TSHZ2: variants seen among roughly 807,000 people sequenced by gnomAD.
TSHZ2 encodes the protein teashirt homolog 2.
Under a neutral mutation model 74.4 loss-of-function variants are expected in TSHZ2, and 21 were observed. The ratio of observed to expected loss-of-function variants is 0.28; its 90% confidence interval spans 0.20 to 0.41. The LOEUF (loss-of-function observed/expected upper bound fraction) is 0.41, where lower values mean the gene tolerates loss of function less well. Ranked by LOEUF, TSHZ2 falls within the 10% of genes least tolerant of loss-of-function variation. TSHZ2 has a pLI of 1.00. For missense variants in TSHZ2, 1,244 were observed against 1,293.5 expected (o/e 0.96, Z 0.59); for synonymous variants, 540 against 515.3 (o/e 1.05, Z -0.65).
intron 1 of TSHZ2, among the ~76,000 whole-genome samples, chr20:53,001,600 C>A (rs1982443927): frequency 6.6e-6 from 1 of 152,178 alleles, no homozygotes; most frequent in African/African-American, 2.4e-5. Context: ...GAAAAAATCA[C>A]CTGTCTCATT....
chr20:53,256,218 C>G lies in TSHZ2; in HGVS notation c.2760C>G (p.Asp920Glu), dbSNP rs767175127. 19 of 1,613,440 alleles carry G rather than the reference C, an allele frequency of 1.2e-5. No individual in the cohort carries two copies. The highest frequency in any genetic ancestry group is 1.5e-5 in the Non-Finnish European group (18 of 1,179,616). The change falls in exon 2 of 3, where the codon GAC becomes GAG. Residue 920 changes from aspartate (D) to glutamate (E), a missense_variant. By Grantham distance (45) the Asp-to-Glu change is conservative (BLOSUM62 2). Around this residue, in one of 6 missense-constraint regions of TSHZ2, gnomAD observed 185 missense variants for 213.3 expected, o/e 0.87. Transcript: ENST00000371497. The surrounding 1 kb of genome is among the most constrained non-coding windows in gnomAD (Gnocchi z 4.3). ...GGACAAAATTTCTGAAAAACATGGA[C>G]AAAGGCCACCCCATCTTTTATTGCA... ...TGGTKFLKNM[D>E]KGHPIFYCSD...
At chr20:53,204,699 CTTTT>C (rs1481077857) in intron 1 of TSHZ2, among the ~76,000 whole-genome samples, 1 of 152,030 alleles carries the variant, frequency 6.6e-6, no homozygotes, top group Non-Finnish European at 1.5e-5. Context: ...TTTGTGCTTT[CTTTT>C]ATTTCATACT....
chr20:53,001,212 G>GTGTGTGTGTGTGTGTGTGTGTGTA (rs1982405346), intron 1 of TSHZ2, among the ~76,000 whole-genome samples: 6 of 123,490 alleles, frequency 4.9e-5, no homozygotes, highest in African/African-American at 7.5e-5. Context: ...GTGCGTGTGT[G>GTGTGTGTGTGTGTGTGTGTGTGTA]TGTGTGTGTG....
chr20:53,471,926 C>G (rs1447869309), intron 2 of TSHZ2, among the ~76,000 whole-genome samples: 1 of 151,528 alleles, frequency 6.6e-6, no homozygotes, highest in Non-Finnish European at 1.5e-5. Context: ...CTGCCTCAGC[C>G]TCCCGAGTAG....
At chr20:53,430,029 A>AG (rs1291901056) in intron 2 of TSHZ2, among the ~76,000 whole-genome samples, 2 of 152,190 alleles carry the variant, frequency 1.3e-5, no homozygotes, top group Non-Finnish European at 2.9e-5. Flanking sequence ...TCTGAGGGAC[A>AG]AAATCACTCC....
At chr20:53,447,449 A>G (rs572236618) in intron 2 of TSHZ2, among the ~76,000 whole-genome samples, 37 of 152,280 alleles carry the variant, frequency 2.4e-4, no homozygotes, top group African/African-American at 8.2e-4. Context: ...CCTTAACCCA[A>G]CTTCCCCTAA....
chr20:53,358,760 AC>A (rs1980945033), intron 2 of TSHZ2, among the ~76,000 whole-genome samples: 1 of 152,320 alleles, frequency 6.6e-6, no homozygotes, highest in Non-Finnish European at 1.5e-5. Flanking sequence ...AATTGTAGAA[AC>A]CATTCATCCG....
chr20:53,214,299 A>G (rs904023206), intron 1 of TSHZ2, among the ~76,000 whole-genome samples: 2 of 152,204 alleles, frequency 1.3e-5, no homozygotes, highest in Non-Finnish European at 1.5e-5. Flanking sequence ...GATTGAACAA[A>G]TAAGTATAAA....
chr20:53,459,338 T>G (rs1406615956), intron 2 of TSHZ2, among the ~76,000 whole-genome samples: 1 of 152,170 alleles, frequency 6.6e-6, no homozygotes, highest in Admixed American at 6.5e-5. Context: ...TTTTGATCTT[T>G]GTTGGTTTAA....
chr20:53,293,576 G>C (rs1416696724), intron 2 of TSHZ2, among the ~76,000 whole-genome samples: 1 of 152,018 alleles, frequency 6.6e-6, no homozygotes, highest in African/African-American at 2.4e-5. Context: ...AGAGGGCATG[G>C]ACACTTTGAG....
At chr20:53,127,680 G>A (rs1986986151) in intron 1 of TSHZ2, among the ~76,000 whole-genome samples, 1 of 152,196 alleles carries the variant, frequency 6.6e-6, no homozygotes. Context: ...CACATGTCAG[G>A]CATGCACTCA....
At chr20:53,332,370 T>C (rs1312636362) in intron 2 of TSHZ2, among the ~76,000 whole-genome samples, 4 of 151,946 alleles carry the variant, frequency 2.6e-5, no homozygotes, top group African/African-American at 9.7e-5. Context: ...TGTTCAAAGG[T>C]CCTGGGGTGC....
intron 2 of TSHZ2, among the ~76,000 whole-genome samples, chr20:53,430,823 G>C (rs1983819168): frequency 6.6e-6 from 1 of 152,104 alleles, no homozygotes; most frequent in Non-Finnish European, 1.5e-5. Flanking sequence ...CAGTGGCGTG[G>C]TCTCGGCTCA....
chr20:53,368,238 G>A (rs1028283388), intron 2 of TSHZ2, among the ~76,000 whole-genome samples: 5 of 151,710 alleles, frequency 3.3e-5, no homozygotes, highest in Middle Eastern at 3.4e-3. Flanking sequence ...TACACAGAAC[G>A]ATCACTGCTA....
intron 1 of TSHZ2, among the ~76,000 whole-genome samples, chr20:53,167,146 G>A (rs943051838): frequency 2.6e-5 from 4 of 152,216 alleles, no homozygotes; most frequent in Non-Finnish European, 5.9e-5. Context: ...AAGAAAGATG[G>A]TGGCTGGAGC....
intron 2 of TSHZ2, among the ~76,000 whole-genome samples, chr20:53,409,834 C>CTTTTTTTTT (rs71194475): frequency 2.6e-4 from 13 of 49,338 alleles, no homozygotes; most frequent in African/African-American, 4.3e-4. Context: ...GTTTTCTTTT[C>CTTTTTTTTT]TTTTTTTTTT....
chr20:53,083,535 A>G (rs996689463), intron 1 of TSHZ2, among the ~76,000 whole-genome samples: 1 of 152,256 alleles, frequency 6.6e-6, no homozygotes, highest in Non-Finnish European at 1.5e-5. Context: ...AGATATGATC[A>G]GGTTACCTGA....
intron 2 of TSHZ2, among the ~76,000 whole-genome samples, chr20:53,299,147 T>C (rs991425191): frequency 6.6e-6 from 1 of 152,236 alleles, no homozygotes; most frequent in African/African-American, 2.4e-5. Flanking sequence ...AGACCCCATC[T>C]GTTCTATAAA....
intron 1 of TSHZ2, among the ~76,000 whole-genome samples, 166 bp from the exon 2 acceptor site, chr20:53,253,333 C>G (rs1990370780): frequency 6.8e-6 from 1 of 147,314 alleles, no homozygotes; most frequent in African/African-American, 2.5e-5. Context: ...CTAGATGGCA[C>G]GAAAGACACC....
Sources: allele counts gnomAD v4.1 joint callset (sites outside exome capture counted in the v4.1 genomes callset), GRCh38; gene constraint gnomAD v4.1.1; regional missense constraint gnomAD v4.1.1; non-coding constraint Gnocchi (gnomAD v3.1); transcripts MANE v1.5; gene names NCBI Gene and HGNC (gene_info 2026-07-23, HGNC 2026-07-21).